KIF5C: variants seen among roughly 807,000 people sequenced by gnomAD.
KIF5C encodes the protein kinesin heavy chain isoform 5C.
A neutral mutation model predicts 125.2 loss-of-function variants in KIF5C; 18 were observed. The ratio of observed to expected loss-of-function variants is 0.14; its 90% CI spans 0.10 to 0.21. KIF5C has a LOEUF of 0.21. Ranked by LOEUF, KIF5C falls within the 10% of genes least tolerant of loss-of-function variation. The pLI, the probability that KIF5C is intolerant of heterozygous loss-of-function variation, is 1.00. For missense variants in KIF5C, 780 were observed against 1,183.8 expected, an observed-to-expected ratio of 0.66 and a Z score of 5.01; for synonymous variants, 405 against 434.0, an observed-to-expected ratio of 0.93 and a Z score of 0.83.
intron 10 of KIF5C, among the ~76,000 whole-genome samples, chr2:148,961,347 C>G (rs1476181246): frequency 6.6e-6 from 1 of 152,050 alleles, no homozygotes. Context: ...CTCTGGCCAG[C>G]CTTACTCAGC....
At chr2:148,941,555 A>G (rs1682405939) in intron 4 of KIF5C, 55 bp from the exon 5 acceptor site, 2 of 1,548,184 alleles carry the variant, frequency 1.3e-6, no homozygotes, top group Admixed American at 2.0e-5. Flanking sequence ...TAATAATGGC[A>G]TTTTTGAAAT....
intron 1 of KIF5C, among the ~76,000 whole-genome samples, chr2:148,884,721 A>G (rs1158660405): frequency 1.3e-5 from 2 of 152,246 alleles, no homozygotes; most frequent in South Asian, 2.1e-4. Flanking sequence ...ATTCCTTACT[A>G]TCAAATACCC....
intron 4 of KIF5C, among the ~76,000 whole-genome samples, chr2:148,939,094 TAAA>T (rs66739683): frequency 1.0e-3 from 135 of 131,668 alleles, no homozygotes; most frequent in African/African-American, 2.6e-3. Context: ...GATTCTGTCT[TAAA>T]AAAAAAAAAA....
rs1236555221 is a variant in KIF5C at position 149,025,638 on chromosome 2, C to A, written c.*2568C>A. 6.6e-6 allele frequency: 1 copy of A among 152,186 alleles called. No homozygotes were observed. The highest frequency in any genetic ancestry group is 1.5e-5 in the Non-Finnish European group (1 of 68,022). The allele number at this position is 152,186 out of a possible 1,614,324, so 9.4% of individuals were successfully genotyped here. On this transcript the variant is annotated 3_prime_UTR_variant, in exon 26 of 26. Coordinates refer to ENST00000435030, the MANE Select transcript of KIF5C (RefSeq NM_004522.3). Reference sequence around the variant, plus strand: ...CTCCTCTATGAATAATTTTATATTTCATGCTACTTCTTGAAAGTTTACTCT... The same window carrying A: ...CTCCTCTATGAATAATTTTATATTTAATGCTACTTCTTGAAAGTTTACTCT...
At position 148,902,809 on chromosome 2, in the gene KIF5C, A is replaced by G. The variant is rs751613890; in HGVS notation, c.127-19328A>G. On this transcript the variant is annotated intron_variant, in intron 1 of 25. Transcript: ENST00000435030. Reference sequence around the variant, plus strand: ...TGGACCCTTTAAACCTTTTCCCTGCAACACACACAAGATGTATTATGTATT... The same window carrying G: ...TGGACCCTTTAAACCTTTTCCCTGCGACACACACAAGATGTATTATGTATT... Among the ~76,000 whole-genome samples the G allele has an allele frequency of 5.3e-5, 8 of 152,224 alleles. No homozygotes were observed. The East Asian group carries it at 9.6e-4, about 18-fold the overall frequency.
chr2:149,015,374 A>G (rs1304239152), intron 25 of KIF5C, among the ~76,000 whole-genome samples: 1 of 152,212 alleles, frequency 6.6e-6, no homozygotes, highest in Non-Finnish European at 1.5e-5. Flanking sequence ...TGCTTAGATG[A>G]GAGCAAAGCC....
intron 13 of KIF5C, among the ~76,000 whole-genome samples, chr2:148,980,180 G>A (rs1681191737): frequency 6.6e-6 from 1 of 151,988 alleles, no homozygotes; most frequent in South Asian, 2.1e-4. Context: ...CACTTCCCTT[G>A]GTAGGGAGAT....
chr2:149,007,824 T>G, intron 22 of KIF5C, 139 bp from the exon 23 acceptor site: 3 of 1,039,082 alleles, frequency 2.9e-6, no homozygotes, highest in Non-Finnish European at 3.8e-6. Context: ...TTCTTGAGTC[T>G]AAACTTTTAG....
intron 1 of KIF5C, among the ~76,000 whole-genome samples, chr2:148,902,315 AG>A (rs1680937746): frequency 6.6e-6 from 1 of 150,938 alleles, no homozygotes; most frequent in Non-Finnish European, 1.5e-5. Context: ...TCTTCGTGCC[AG>A]AAACATTTTT....
At chr2:148,997,677 G>T (rs543880050) in intron 18 of KIF5C, 1 of 283,692 alleles carries the variant, frequency 3.5e-6, no homozygotes, top group Non-Finnish European at 6.5e-6. Flanking sequence ...CAACCTTTAC[G>T]CAGAACACAC....
intron 3 of KIF5C, among the ~76,000 whole-genome samples, chr2:148,934,327 G>A (rs1457974530): frequency 6.7e-6 from 1 of 149,738 alleles, no homozygotes; most frequent in Admixed American, 6.6e-5. Context: ...ATACAGAGAT[G>A]TACACATCAC....
rs550675928 is a variant in KIF5C, at chr2:148,962,219, G to A, written c.1117+100G>A. The A allele has an allele frequency of 5.4e-5, 79 of 1,449,712 alleles. 1 individual carries two copies. In the South Asian group the frequency reaches 1.0e-3, roughly 19 times the overall value. 89.8% of individuals were successfully genotyped at this position (1,449,712 alleles called of 1,614,324 possible). A position where few individuals can be genotyped will look rare whatever the true frequency, so the allele number is the denominator to read the frequency against. On this transcript the variant is annotated intron_variant, in intron 11 of 25. Transcript: ENST00000435030. ...CTCTCTCTGTCACTCAGGCTGGAGT[G>A]CAGTGGCGTGATCTTGGCTCACCGC...
intron 1 of KIF5C, among the ~76,000 whole-genome samples, chr2:148,904,282 G>C (rs1210824201): frequency 6.6e-6 from 1 of 152,208 alleles, no homozygotes; most frequent in Non-Finnish European, 1.5e-5. Flanking sequence ...GAGCACAAGC[G>C]TTAAGAGCAC....
intron 4 of KIF5C, among the ~76,000 whole-genome samples, chr2:148,940,472 C>T (rs904909839): frequency 9.2e-5 from 14 of 152,124 alleles, no homozygotes; most frequent in African/African-American, 3.1e-4. Context: ...TCAGGTAGTT[C>T]CAGACCGAGG....
At chr2:148,914,440 G>A (rs556692506) in intron 1 of KIF5C, among the ~76,000 whole-genome samples, 3 of 152,344 alleles carry the variant, frequency 2.0e-5, no homozygotes, top group African/African-American at 7.2e-5. Flanking sequence ...CGGGCAGTTT[G>A]CCTTCTCAGA....
intron 11 of KIF5C, among the ~76,000 whole-genome samples, chr2:148,971,920 ATTATTTATTT>A (rs1265927594): frequency 2.6e-5 from 4 of 152,010 alleles, no homozygotes; most frequent in African/African-American, 9.7e-5. Flanking sequence ...CAGTTACTCT[ATTATTTATTT>A]TTATTTATTT....
At chr2:148,931,421 G>C (rs1682183024) in intron 3 of KIF5C, among the ~76,000 whole-genome samples, 1 of 152,134 alleles carries the variant, frequency 6.6e-6, no homozygotes, top group Non-Finnish European at 1.5e-5. Flanking sequence ...AGGCGTGGTG[G>C]CTTACACCTG....
At chr2:148,975,895 T>C (rs1234385340) in intron 12 of KIF5C, among the ~76,000 whole-genome samples, 1 of 152,192 alleles carries the variant, frequency 6.6e-6, no homozygotes, top group Non-Finnish European at 1.5e-5. Context: ...TTCTAGTACA[T>C]TGCAGGTGCC....
Position 148,875,682 on chromosome 2 carries a change from A to G in KIF5C, c.65A>G (p.Glu22Gly). The G allele has an allele frequency of 6.3e-7, 1 of 1,588,192 alleles. No homozygotes were observed. Among genetic ancestry groups the G allele is most frequent in the Non-Finnish European group, 8.6e-7 (1 of 1,167,600 alleles). Reference sequence around the variant, plus strand: ...CGGTTCCGGCCCCTCAACGAAGCGGAGATCCTCCGCGGGGACAAATTCATC... The same window carrying G: ...CGGTTCCGGCCCCTCAACGAAGCGGGGATCCTCCGCGGGGACAAATTCATC... ...MCRFRPLNEAEILRGDKFIPK... is the reference protein window; with the variant it reads ...MCRFRPLNEAGILRGDKFIPK... The change falls in exon 1 of 26, where the codon GAG becomes GGG. Residue 22 changes from glutamate (E) to glycine (G), a missense_variant. Coordinates refer to ENST00000435030, the MANE Select transcript of KIF5C (RefSeq NM_004522.3).
Sources: gnomAD v4.1 joint callset for allele counts (sites outside exome capture counted in the v4.1 genomes callset) on GRCh38, gnomAD v4.1.1 for gene constraint, MANE v1.5 for transcripts, NCBI Gene and HGNC (gene_info 2026-07-23, HGNC 2026-07-21) for gene names.